The following TMEM260 variants were observed in gnomAD, a reference collection of about 807,000 sequenced individuals.
TMEM260 encodes the protein protein O-mannosyl-transferase TMEM260.
Under a neutral mutation model 88.9 loss-of-function variants are expected in TMEM260, and 82 were observed. The ratio of observed to expected loss-of-function variants is 0.92; its 90% CI spans 0.77 to 1.11. The LOEUF is 1.11. TMEM260 is among the 50% of genes least tolerant of loss of function. The pLI, the probability that TMEM260 is intolerant of heterozygous loss-of-function variation, is 0.00. For synonymous variants in TMEM260, 314 were observed against 309.3 expected, an observed-to-expected ratio of 1.02 and a Z score of -0.16; for missense variants, 902 against 853.4, an observed-to-expected ratio of 1.06 and a Z score of -0.71.
At chr14:56,603,725 C>A in intron 3 of TMEM260, 90 bp from the exon 4 acceptor site, 1 of 1,410,272 alleles carries the variant, frequency 7.1e-7, no homozygotes, top group Non-Finnish European at 1.0e-6. Context: ...GGGTGACTAT[C>A]ATAATTTCTG....
intron 12 of TMEM260, among the ~76,000 whole-genome samples, chr14:56,629,860 C>A (rs563791714): frequency 1.4e-5 from 2 of 147,940 alleles, no homozygotes; most frequent in East Asian, 3.9e-4. Flanking sequence ...CATAGGGAGA[C>A]CCTGTCGCTA....
intron 15 of TMEM260, among the ~76,000 whole-genome samples, chr14:56,637,978 C>CAGAGCAAGCTGGGAAGT (rs1199474018): frequency 6.6e-6 from 1 of 151,222 alleles, no homozygotes; most frequent in African/African-American, 2.4e-5. Flanking sequence ...AGCCCTGGAC[C>CAGAGCAAGCTGGGAAGT]AGAGCAAGCT....
At chr14:56,637,805 G>A (rs1470552358) in intron 15 of TMEM260, among the ~76,000 whole-genome samples, 3 of 151,964 alleles carry the variant, frequency 2.0e-5, no homozygotes, top group Admixed American at 6.5e-5. Flanking sequence ...AGCATTTCTC[G>A]AGCACCCACT....
At position 56,596,460 on chromosome 14, in the gene TMEM260, A is replaced by G. The variant is rs984521829; in HGVS notation, c.345-7355A>G. Reference sequence around the variant, plus strand: ...CACATATACATATATATAGAGAGATATATTTTTAATTAAAAAATATATCAG... The same window carrying G: ...CACATATACATATATATAGAGAGATGTATTTTTAATTAAAAAATATATCAG... On this transcript the variant is annotated intron_variant, in intron 3 of 15. Coordinates refer to ENST00000261556, the MANE Select transcript of TMEM260 (RefSeq NM_017799.4). Among the ~76,000 whole-genome samples the G allele has an allele frequency of 4.0e-5, 6 of 149,184 alleles. No homozygotes were observed. In the Admixed American group the frequency reaches 4.0e-4, roughly 10 times the overall value.
intron 4 of TMEM260, among the ~76,000 whole-genome samples, chr14:56,604,354 T>C (rs1886763916): frequency 6.6e-6 from 1 of 152,144 alleles, no homozygotes; most frequent in Non-Finnish European, 1.5e-5. Flanking sequence ...TAGGATGCAT[T>C]GACTCACTCC....
intron 10 of TMEM260, among the ~76,000 whole-genome samples, chr14:56,619,051 T>C (rs1351735524): frequency 1.3e-5 from 2 of 152,226 alleles, no homozygotes; most frequent in Non-Finnish European, 2.9e-5. Context: ...ATCCCTAGTA[T>C]AGGTAAAATT....
intron 1 of TMEM260, among the ~76,000 whole-genome samples, chr14:56,580,528 G>T (rs1885058408): frequency 6.6e-6 from 1 of 152,200 alleles, no homozygotes; most frequent in African/African-American, 2.4e-5. Flanking sequence ...GATAAGTTAT[G>T]GAGACAGTAG....
intron 1 of TMEM260, among the ~76,000 whole-genome samples, chr14:56,580,604 C>A (rs1444012042): frequency 1.3e-5 from 2 of 152,070 alleles, no homozygotes; most frequent in African/African-American, 2.4e-5. Context: ...CAGGAAAGAC[C>A]TCTGAAGAGG....
rs548196688 is a variant in TMEM260, at chr14:56,603,855, G to T, written c.385G>T (p.Val129Leu). ...SSAGGILAAG[V>L]FSFSRLTWQW... ...TGCTGGAGGAATCCTTGCTGCGGGG[G>T]TGTTTTCATTTTCTCGTCTAACATG... The change falls in exon 4 of 16, where the codon GTG becomes TTG. Residue 129 changes from valine to leucine, a missense_variant. Physicochemically the swap from Val to Leu is conservative, Grantham distance 32 (BLOSUM62 1). Coordinates refer to ENST00000261556, the MANE Select transcript of TMEM260 (RefSeq NM_017799.4). 20 of 1,613,852 alleles carry T rather than the reference G, an allele frequency of 1.2e-5. No homozygotes were observed. The highest frequency in any genetic ancestry group is 6.7e-5 in the African/African-American group (5 of 75,028).
chr14:56,639,584 G>A (rs190729954), intron 15 of TMEM260, among the ~76,000 whole-genome samples: 91 of 152,264 alleles, frequency 6.0e-4, no homozygotes, highest in Admixed American at 1.5e-3. Context: ...CGCAGAAGAC[G>A]GGTGATTTCT....
chr14:56,585,904 C>G lies in TMEM260; in HGVS notation c.336C>G (p.Thr112=), dbSNP rs758699644. 1.9e-6 allele frequency: 3 copies of G among 1,611,188 alleles called. No individual in the cohort carries two copies. Among genetic ancestry groups the G allele is most frequent in the Non-Finnish European group, 2.5e-6 (3 of 1,178,988 alleles). The change falls in exon 3 of 16, where the codon ACC becomes ACG. Residue 112 remains threonine, a synonymous_variant. Coordinates refer to ENST00000261556, the MANE Select transcript of TMEM260 (RefSeq NM_017799.4). ...TAGCTGCATCATTACTTTTTTTCAC[C>G]GTTTTCAGGTAAAGTAGTTGATTAG... ...GAVAASLLFF[T]VFRLSGSSAG...
At chr14:56,581,328 T>G (rs532766041) in intron 1 of TMEM260, among the ~76,000 whole-genome samples, 1 of 152,328 alleles carries the variant, frequency 6.6e-6, no homozygotes, top group East Asian at 1.9e-4. Context: ...CCTACCACGT[T>G]GAAGATCTTT....
At chr14:56,624,589 G>A (rs1476013344) in intron 11 of TMEM260, among the ~76,000 whole-genome samples, 1 of 152,032 alleles carries the variant, frequency 6.6e-6, no homozygotes, top group Non-Finnish European at 1.5e-5. Flanking sequence ...ATAAATTTGA[G>A]AACCGTTCTA....
At chr14:56,629,644 T>C (rs1032629439) in intron 12 of TMEM260, among the ~76,000 whole-genome samples, 4 of 152,380 alleles carry the variant, frequency 2.6e-5, no homozygotes, top group Admixed American at 6.5e-5. Context: ...TCTCTTAGTT[T>C]TCCTTTATCT....
intron 3 of TMEM260, among the ~76,000 whole-genome samples, chr14:56,597,028 G>GAT (rs1354872209): frequency 6.6e-6 from 1 of 151,708 alleles, no homozygotes; most frequent in Non-Finnish European, 1.5e-5. Flanking sequence ...CGTTTAATTG[G>GAT]ATGAGAACCT....
At chr14:56,583,179 C>T (rs1885248466) in intron 1 of TMEM260, among the ~76,000 whole-genome samples, 2 of 152,064 alleles carry the variant, frequency 1.3e-5, no homozygotes, top group South Asian at 4.2e-4. Flanking sequence ...AGAGCTAATC[C>T]ATTATGGAGT....
rs138588859 is a variant in TMEM260 at position 56,628,265 on chromosome 14, AGTT to A, written c.1547+2739_1547+2741del. Among the ~76,000 whole-genome samples, 1,370 of 152,226 alleles carry A rather than the reference AGTT, an allele frequency of 9.0e-3. 19 individuals carry two copies. Among genetic ancestry groups the A allele is most frequent in the African/African-American group, 0.031 (1,285 of 41,524 alleles). On this transcript the variant is annotated intron_variant, in intron 12 of 15. Coordinates refer to ENST00000261556, the MANE Select transcript of TMEM260 (RefSeq NM_017799.4). ...TGTTTTCTGCATAGGGTTGGGATTGAGTTGTTTTCTTATTGTTGAGTTTTGAAA... is the reference window on the plus strand; with the variant it reads ...TGTTTTCTGCATAGGGTTGGGATTGAGTTTTCTTATTGTTGAGTTTTGAAA...
At chr14:56,610,530 C>A (rs546039213) in intron 6 of TMEM260, among the ~76,000 whole-genome samples, 21 of 152,304 alleles carry the variant, frequency 1.4e-4, no homozygotes, top group Admixed American at 5.2e-4. Flanking sequence ...GCGTGAGCCA[C>A]CGCGCCCGGC....
intron 1 of TMEM260, among the ~76,000 whole-genome samples, chr14:56,584,285 C>T (rs962758873): frequency 2.0e-5 from 3 of 151,974 alleles, no homozygotes; most frequent in African/African-American, 7.2e-5. Flanking sequence ...TTACATTGTA[C>T]GGTACTACAA....
Sources: allele counts gnomAD v4.1 joint callset (sites outside exome capture counted in the v4.1 genomes callset), GRCh38; gene constraint gnomAD v4.1.1; transcripts MANE v1.5; gene names NCBI Gene and HGNC (gene_info 2026-07-23, HGNC 2026-07-21).